Variants in ESRRG observed in about 807,000 individuals in gnomAD.
ESRRG encodes the protein estrogen related receptor gamma.
A neutral mutation model predicts 44.0 loss-of-function variants in ESRRG; 13 were observed. That is an observed-to-expected ratio of 0.30 (90% CI 0.19 to 0.47). The LOEUF (loss-of-function observed/expected upper bound fraction) is 0.47. ESRRG is among the 20% of genes least tolerant of loss of function. ESRRG has a pLI of 1.00. For synonymous variants in ESRRG, 215 were observed against 214.6 expected (o/e 1.00, Z -0.02); for missense variants, 395 against 580.6 (o/e 0.68, Z 3.29).
chr1:216,627,993 C>A (rs1054415052), intron 3 of ESRRG, among the ~76,000 whole-genome samples: 3 of 152,184 alleles, frequency 2.0e-5, no homozygotes, highest in East Asian at 3.9e-4. Flanking sequence ...TCTATCTAGA[C>A]AGTTATTTTA....
chr1:216,567,207 A>T (rs997526066), intron 4 of ESRRG, among the ~76,000 whole-genome samples: 3 of 152,216 alleles, frequency 2.0e-5, no homozygotes, highest in African/African-American at 7.2e-5. Context: ...ATTCATAAAC[A>T]TCCTAAAACG....
intron 2 of ESRRG, among the ~76,000 whole-genome samples, chr1:216,735,991 T>C (rs5004091): frequency 1.9e-5 from 2 of 104,126 alleles, no homozygotes; most frequent in African/African-American, 6.2e-5. Flanking sequence ...AAAAAAAATA[T>C]ATATATATAT....
intron 1 of ESRRG, among the ~76,000 whole-genome samples, chr1:216,986,561 T>C (rs2074904949): frequency 6.6e-6 from 1 of 151,722 alleles, no homozygotes; most frequent in African/African-American, 2.4e-5. Flanking sequence ...ATAATAATAA[T>C]AATAATAATA....
chr1:216,682,599 A>T (rs2077207505), intron 1 of ESRRG, among the ~76,000 whole-genome samples: 1 of 152,194 alleles, frequency 6.6e-6, no homozygotes, highest in South Asian at 2.1e-4. Context: ...CTACTGATTC[A>T]AAACAAAAAT....
At chr1:216,925,968 G>T (rs1202030725) in intron 2 of ESRRG, among the ~76,000 whole-genome samples, 1 of 152,058 alleles carries the variant, frequency 6.6e-6, no homozygotes, top group African/African-American at 2.4e-5. Context: ...ACCAAAGTGG[G>T]TCTGCTCTTC....
intron 1 of ESRRG, among the ~76,000 whole-genome samples, chr1:217,100,944 C>T (rs1014107085): frequency 6.6e-6 from 1 of 152,226 alleles, no homozygotes; most frequent in African/African-American, 2.4e-5. Flanking sequence ...TCTTCCTCTA[C>T]TTTATGGCCA....
chr1:216,654,537 G>A (rs1184502125), intron 2 of ESRRG, among the ~76,000 whole-genome samples: 1 of 151,584 alleles, frequency 6.6e-6, no homozygotes, highest in African/African-American at 2.4e-5. Flanking sequence ...GCTGAGGCAG[G>A]AGAATTGCTT....
chr1:216,643,929 A>G (rs558248317), intron 3 of ESRRG, among the ~76,000 whole-genome samples: 1 of 152,320 alleles, frequency 6.6e-6, no homozygotes, highest in Middle Eastern at 3.4e-3. Context: ...GCCTACCAAC[A>G]GATGCAGGCA....
At position 216,887,970 on chromosome 1, in the gene ESRRG, C is replaced by T. The variant is rs569823952; in HGVS notation, c.-14+51612G>A. On this transcript the variant is annotated intron_variant, in intron 2 of 7. Coordinates refer to the ESRRG transcript ENST00000359162. The stretch of plus-strand genomic sequence containing the variant: ...TTCATTGTTATGGTGGTTTCTCTGC[C>T]TGATTGGTTAAAGAAGACAACACAA... Among the ~76,000 whole-genome samples the T allele has an allele frequency of 7.3e-5, 11 of 151,586 alleles. 1 individual carries two copies. In the South Asian group the frequency reaches 2.3e-3, roughly 32 times the overall value.
intron 6 of ESRRG, among the ~76,000 whole-genome samples, chr1:216,509,952 T>C (rs2042236968): frequency 6.6e-6 from 1 of 152,226 alleles, no homozygotes; most frequent in South Asian, 2.1e-4. Flanking sequence ...CCAGGCTCAA[T>C]AGAACTGGCA....
chr1:217,110,963 T>C (rs2092655651), intron 1 of ESRRG, among the ~76,000 whole-genome samples: 1 of 152,218 alleles, frequency 6.6e-6, no homozygotes, highest in African/African-American at 2.4e-5. Context: ...CTCTTGACTT[T>C]AATTTCGTAC....
intron 1 of ESRRG, among the ~76,000 whole-genome samples, chr1:217,020,629 G>C (rs2080145269): frequency 6.6e-6 from 1 of 152,108 alleles, no homozygotes; most frequent in Non-Finnish European, 1.5e-5. Context: ...CTTGTTCAAG[G>C]GGGGCAAGGA....
intron 2 of ESRRG, among the ~76,000 whole-genome samples, chr1:216,906,930 T>C (rs2059743666): frequency 6.6e-6 from 1 of 152,224 alleles, no homozygotes; most frequent in Non-Finnish European, 1.5e-5. Flanking sequence ...AGAGGTGCTG[T>C]TAATGTTTTT....
At chr1:216,718,938 G>T (rs2085528587) in intron 1 of ESRRG, among the ~76,000 whole-genome samples, 1 of 151,862 alleles carries the variant, frequency 6.6e-6, no homozygotes, top group South Asian at 2.1e-4. Context: ...GATATTAATT[G>T]GTTTAATAGA....
chr1:216,860,160 G>A (rs2096024326), intron 2 of ESRRG, among the ~76,000 whole-genome samples: 1 of 152,160 alleles, frequency 6.6e-6, no homozygotes, highest in South Asian at 2.1e-4. Flanking sequence ...AGCTATTCAT[G>A]AGGCTGAGAC....
At chr1:216,846,569 G>A (rs2095753428) in intron 2 of ESRRG, among the ~76,000 whole-genome samples, 1 of 152,074 alleles carries the variant, frequency 6.6e-6, no homozygotes, top group Admixed American at 6.6e-5. Context: ...TGGCCTGAGG[G>A]CAGCAGTTTG....
At chr1:216,989,856 T>C (rs2075415262) in intron 1 of ESRRG, among the ~76,000 whole-genome samples, 1 of 152,122 alleles carries the variant, frequency 6.6e-6, no homozygotes, top group African/African-American at 2.4e-5. Flanking sequence ...GTATCACTAG[T>C]TGTTGGTATG....
intron 1 of ESRRG, among the ~76,000 whole-genome samples, chr1:217,060,809 T>TAGACAGAC (rs774933935): frequency 1.0e-5 from 1 of 98,920 alleles, no homozygotes; most frequent in Non-Finnish European, 2.1e-5. Flanking sequence ...GATAGATAGA[T>TAGACAGAC]AGATAGATAG....
chr1:217,024,015 GT>G (rs1167275834), intron 1 of ESRRG, among the ~76,000 whole-genome samples: 2 of 152,180 alleles, frequency 1.3e-5, no homozygotes, highest in Non-Finnish European at 1.5e-5. Context: ...ACACAAAATG[GT>G]TTTGTGATTA....
Sources: allele counts gnomAD v4.1 joint callset (sites outside exome capture counted in the v4.1 genomes callset), GRCh38; gene constraint gnomAD v4.1.1; transcripts MANE v1.5; gene names NCBI Gene and HGNC (gene_info 2026-07-23, HGNC 2026-07-21).